Variants in KRT1 observed in about 807,000 individuals in gnomAD.
The protein encoded by KRT1 is keratin, type II cytoskeletal 1.
Under a neutral mutation model 51.6 loss-of-function variants are expected in KRT1, and 28 were observed. The ratio of observed to expected loss-of-function variants is 0.54; its 90% CI spans 0.40 to 0.74. KRT1 has a LOEUF of 0.74. Among genes scored for constraint, KRT1 ranks in the 30% least tolerant of loss-of-function variants. The pLI is 0.00. For missense variants in KRT1, 783 were observed against 815.5 expected (o/e 0.96, Z 0.49); for synonymous variants, 301 against 307.7 (o/e 0.98, Z 0.23).
intron 4 of KRT1, 56 bp from the exon 5 acceptor site, chr12:52,677,536 G>A: frequency 1.9e-6 from 3 of 1,610,362 alleles, no homozygotes; most frequent in Non-Finnish European, 2.5e-6. Context: ...AAACAACTTA[G>A]ACAGAGAAAG....
In KRT1 at chr12:52,677,337, G is replaced by A. The variant is rs183980482; in HGVS notation, c.1107C>T (p.Ala369=). ...EDIAQKSKAE[A]ESLYQSKYEE... is the part of the protein sequence containing the mutation. ...TCACCTTGCTCTGGTACAAGGACTC[G>A]GCCTCAGCTTTGCTCTTCTGGGCTA... Residue 369 remains alanine, a synonymous_variant, in exon 5 of 9, where the codon GCC becomes GCT. Coordinates refer to ENST00000252244, the MANE Select transcript of KRT1 (RefSeq NM_006121.4). 59 of 1,614,190 alleles carry A rather than the reference G, an allele frequency of 3.7e-5. No individual in the cohort carries two copies. The Admixed American group carries it at 4.7e-4, about 13-fold the overall frequency.
intron 7 of KRT1, among the ~76,000 whole-genome samples, chr12:52,676,021 G>C (rs1014399900): frequency 2.0e-5 from 3 of 152,130 alleles, no homozygotes; most frequent in Non-Finnish European, 2.9e-5. Flanking sequence ...GCCATCTGAG[G>C]CAGCCCAGAT....
chr12:52,677,800 C>A, intron 3 of KRT1, 55 bp from the exon 4 acceptor site: 1 of 1,454,240 alleles, frequency 6.9e-7, no homozygotes, highest in South Asian at 1.1e-5. Flanking sequence ...AGGTCCCTCT[C>A]ATTACCTGTG....
intron 4 of KRT1, 26 bp from the exon 5 acceptor site, chr12:52,677,506 T>C: frequency 1.2e-6 from 2 of 1,613,820 alleles, no homozygotes; most frequent in Non-Finnish European, 1.7e-6. Flanking sequence ...GGTTAGTGAC[T>C]CTTACAGCAC....
Position 52,677,197 on chromosome 12 carries a change from G to A in KRT1, c.1129-13C>T. Reference sequence around the variant, plus strand: ...GCAGCTCTTCATACTAAAGATGGTAGATAGCGTTTGTTAAATGTAGGCAGA... The same window carrying A: ...GCAGCTCTTCATACTAAAGATGGTAAATAGCGTTTGTTAAATGTAGGCAGA... On this transcript the variant is annotated splice_polypyrimidine_tract_variant and intron_variant, in intron 5 of 8. Transcript: ENST00000252244. 6.2e-7 allele frequency: 1 copy of A among 1,614,194 alleles called. No homozygotes were observed. The highest frequency in any genetic ancestry group is 8.5e-7 in the Non-Finnish European group (1 of 1,180,046).
rs752221066 is a variant in KRT1 at position 52,675,525 on chromosome 12, C to T, written c.1603G>A (p.Gly535Arg). The change falls in exon 9 of 9, where the codon GGA becomes AGA. Residue 535 changes from glycine (G) to arginine (R), a missense_variant. Coordinates refer to ENST00000252244, the MANE Select transcript of KRT1 (RefSeq NM_006121.4). The part of the protein sequence containing the change: ...YGSGGSSYGS[G>R]GGSYGSGGGG... ...CCTCCAGAACCATAGCTACCACCTC[C>T]GGAGCCATAGCTGCTACCTCCAGAG... The T allele has an allele frequency of 6.2e-6, 10 of 1,608,632 alleles. No homozygotes were observed. In the East Asian group the frequency reaches 1.1e-4, roughly 18 times the overall value.
At position 52,677,191 on chromosome 12, in the gene KRT1, A is replaced by G. The variant is rs1941519372; in HGVS notation, c.1129-7T>C. ...TGATCTGCAGCTCTTCATACTAAAG[A>G]TGGTAGATAGCGTTTGTTAAATGTA... is the stretch of plus-strand genomic sequence containing the variant. On this transcript the variant is annotated splice_region_variant and splice_polypyrimidine_tract_variant and intron_variant, in intron 5 of 8. Transcript: ENST00000252244. The G allele has an allele frequency of 6.2e-7, 1 of 1,614,030 alleles. No individual in the cohort carries two copies. The highest frequency in any genetic ancestry group is 8.5e-7 in the Non-Finnish European group (1 of 1,180,042).
In KRT1 at chr12:52,674,915, G is replaced by A. The variant is rs1941477683; in HGVS notation, c.*278C>T. The A allele has an allele frequency of 6.9e-6, 4 of 577,608 alleles. No homozygotes were observed. The highest frequency in any genetic ancestry group is 6.0e-5 in the South Asian group (3 of 50,044). 35.8% of individuals were successfully genotyped at this position (577,608 alleles called of 1,614,324 possible). A position where few individuals can be genotyped will look rare whatever the true frequency, so the allele number is the denominator to read the frequency against. Reference sequence around the variant, plus strand: ...GTCCTACTCTGGCTGGCTTAAGGAGGTGCTTTGAAATGTCATGTGGGTGGT... The same window carrying A: ...GTCCTACTCTGGCTGGCTTAAGGAGATGCTTTGAAATGTCATGTGGGTGGT... On this transcript the variant is annotated 3_prime_UTR_variant, in exon 9 of 9. Transcript: ENST00000252244.
At position 52,678,601 on chromosome 12, in the gene KRT1, T is replaced by C. The variant is rs1267402064; in HGVS notation, c.747A>G (p.Gln249=). The change falls in exon 2 of 9, where the codon CAA becomes CAG. Residue 249 remains glutamine, a synonymous_variant. Transcript: ENST00000252244. ...TCTTCAGTTCCGAATCCAACCGAGA[T>C]TGATCACTCTTCAGTTGGTCCACTC... ...RRRVDQLKSD[Q]SRLDSELKNM... 1.9e-6 allele frequency: 3 copies of C among 1,614,124 alleles called. No individual in the cohort carries two copies. Among genetic ancestry groups the C allele is most frequent in the Middle Eastern group, 1.6e-4 (1 of 6,084 alleles).
intron 1 of KRT1, 61 bp downstream of exon 1, chr12:52,679,697 A>C: frequency 7.0e-7 from 1 of 1,437,058 alleles, no homozygotes; most frequent in Admixed American, 1.7e-5. Flanking sequence ...CTGTGTTTTG[A>C]CTGCACCAAT....
Position 52,676,474 on chromosome 12 carries a change from T to C in KRT1, c.1276A>G (p.Ile426Val). 1.9e-6 allele frequency: 3 copies of C among 1,614,226 alleles called. No individual in the cohort carries two copies. The highest frequency in any genetic ancestry group is 1.7e-6 in the Non-Finnish European group (2 of 1,180,034). The change falls in exon 7 of 9, where the codon ATC becomes GTC. Residue 426 changes from isoleucine (I) to valine (V), a missense_variant. By Grantham distance (29) the Ile-to-Val change is conservative. Transcript: ENST00000252244. ...KKQISNLQQS[I>V]SDAEQRGENA... is the part of the protein sequence containing the mutation. ...TCGCCACGCTGCTCTGCATCACTGA[T>C]GGACTGCTGCAAGTTGGAGATCTGA...
In KRT1 at chr12:52,677,478, C is replaced by T. The variant is rs1941527229; in HGVS notation, c.966G>A (p.Glu322=). 1 of 1,614,204 alleles carries T rather than the reference C, an allele frequency of 6.2e-7. No homozygotes were observed. Among genetic ancestry groups the T allele is most frequent in the Non-Finnish European group, 8.5e-7 (1 of 1,180,032 alleles). ...IDFLTALYQA[E]LSQMQTQISE... ...TGATTTGAGTCTGCATCTGAGACAACTCCTGCAAGACATAATAGGTTAGTG... is the reference window on the plus strand; with the variant it reads ...TGATTTGAGTCTGCATCTGAGACAATTCCTGCAAGACATAATAGGTTAGTG... The change falls in exon 5 of 9, where the codon GAG becomes GAA. Residue 322 remains glutamate, a splice_region_variant and synonymous_variant. Coordinates refer to ENST00000252244, the MANE Select transcript of KRT1 (RefSeq NM_006121.4).
intron 7 of KRT1, 23 bp from the exon 8 acceptor site, chr12:52,675,767 T>C: frequency 6.2e-7 from 1 of 1,613,668 alleles, no homozygotes; most frequent in Non-Finnish European, 8.5e-7. Flanking sequence ...ATAAGAAAAT[T>C]CCTCAGGACA....
At chr12:52,676,840 A>C (rs964524268) in intron 6 of KRT1, among the ~76,000 whole-genome samples, 2 of 152,194 alleles carry the variant, frequency 1.3e-5, no homozygotes, top group Admixed American at 6.5e-5. Flanking sequence ...CACATTGACC[A>C]TCCCATCTTT....
Position 52,676,348 on chromosome 12 carries a change from G to T in KRT1, c.1402C>A (p.Leu468Met). 9 of 1,614,174 alleles carry T rather than the reference G, an allele frequency of 5.6e-6. No homozygotes were observed. Among genetic ancestry groups the T allele is most frequent in the Non-Finnish European group, 7.6e-6 (9 of 1,180,028 alleles). Residue 468 changes from leucine to methionine, a missense_variant, in exon 7 of 9, where the codon CTG becomes ATG. Coordinates refer to ENST00000252244, the MANE Select transcript of KRT1 (RefSeq NM_006121.4). ...LARLLRDYQE[L>M]MNTKLALDLE... The stretch of plus-strand genomic sequence containing the variant: ...TCCAGGGCCAGCTTTGTGTTCATCA[G>T]CTCCTGGTAGTCGCGCAGCAGGCGG...
chr12:52,680,371 G>A lies in KRT1; in HGVS notation c.-23C>T, dbSNP rs1941568500. ...CATGTTGACTTAGAGAAAAGTAGGA[G>A]CAAGGTAGAGTAAGGGAAGGAGCTA... On this transcript the variant is annotated 5_prime_UTR_variant, in exon 1 of 9. Transcript: ENST00000252244. 6.2e-7 allele frequency: 1 copy of A among 1,603,384 alleles called. No individual in the cohort carries two copies. Among genetic ancestry groups the A allele is most frequent in the Non-Finnish European group, 8.5e-7 (1 of 1,171,260 alleles).
At position 52,675,714 on chromosome 12, in the gene KRT1, A is replaced by T; in HGVS notation, c.1506T>A (p.Ser502Arg). Reference protein sequence around the residue: ...RMSGECAPNVSVSVSTSHTTI... With the variant: ...RMSGECAPNVRVSVSTSHTTI... ...GAGAAATCGACTTGTACTTACACAC[A>T]CTCACGTTCGGGGCACATTCTCCAG... The change falls in exon 8 of 9, where the codon AGT becomes AGA. Residue 502 changes from serine to arginine, a missense_variant. Transcript: ENST00000252244. The T allele has an allele frequency of 6.2e-7, 1 of 1,614,110 alleles. No homozygotes were observed. Among genetic ancestry groups the T allele is most frequent in the African/African-American group, 1.3e-5 (1 of 74,996 alleles).
chr12:52,680,075 C>T lies in KRT1; in HGVS notation c.274G>A (p.Gly92Ser). ...RGGGRGSGFG[G>S]GYGGGGFGGG... ...CCAAAGCCACCACCACCATAACCAC[C>T]ACCAAAGCCACTACCACGTCCACCT... The change falls in exon 1 of 9, where the codon GGT (glycine) becomes AGT (serine). Residue 92 changes from glycine to serine, a missense_variant. By Grantham distance (56) the Gly-to-Ser change is moderately conservative (BLOSUM62 0). Transcript: ENST00000252244. The T allele has an allele frequency of 6.4e-7, 1 of 1,555,468 alleles. No homozygotes were observed. The highest frequency in any genetic ancestry group is 2.4e-5 in the East Asian group (1 of 40,984).
Position 52,674,818 on chromosome 12 carries a change from C to A in KRT1, c.*375G>T. 1 of 354,010 alleles carries A rather than the reference C, an allele frequency of 2.8e-6. No homozygotes were observed. Among genetic ancestry groups the A allele is most frequent in the South Asian group, 3.3e-5 (1 of 29,966 alleles). The allele number at this position is 354,010 out of a possible 1,614,324, so 21.9% of individuals were successfully genotyped here. A position where few individuals can be genotyped will look rare whatever the true frequency, so the allele number is the denominator to read the frequency against. On this transcript the variant is annotated 3_prime_UTR_variant, in exon 9 of 9. Coordinates refer to ENST00000252244, the MANE Select transcript of KRT1 (RefSeq NM_006121.4). The stretch of plus-strand genomic sequence containing the variant: ...CCACAAAAGAAAAACAACTTGCTTA[C>A]ACCTTATGTACAAAACCAAAACAGC...
Sources: gnomAD v4.1 joint callset for allele counts (sites outside exome capture counted in the v4.1 genomes callset) on GRCh38, gnomAD v4.1.1 for gene constraint, MANE v1.5 for transcripts, NCBI Gene and HGNC (gene_info 2026-07-23, HGNC 2026-07-21) for gene names.